Variants in SHISA6 observed in about 807,000 individuals in gnomAD.
SHISA6 encodes shisa family member 6, also known as protein shisa-6.
Under a neutral mutation model 47.9 loss-of-function variants are expected in SHISA6, and 22 were observed. That is an observed-to-expected ratio of 0.46 (90% CI 0.33 to 0.66). The LOEUF (loss-of-function observed/expected upper bound fraction) is 0.66, where lower values mean the gene tolerates loss of function less well. Ranked by LOEUF, SHISA6 falls within the 30% of genes least tolerant of loss-of-function variation. The pLI, the probability that SHISA6 is intolerant of heterozygous loss-of-function variation, is 0.02. For synonymous variants in SHISA6, 388 were observed against 337.8 expected (o/e 1.15, Z -1.63); for missense variants, 680 against 764.6 (o/e 0.89, Z 1.30).
At chr17:11,254,501 CAT>C (rs1202987531) in intron 1 of SHISA6, among the ~76,000 whole-genome samples, 1 of 152,200 alleles carries the variant, frequency 6.6e-6, no homozygotes, top group East Asian at 1.9e-4. Flanking sequence ...ATCTTCGACT[CAT>C]AGGATCTCTT....
At chr17:11,368,384 A>G (rs1389463320) in intron 2 of SHISA6, among the ~76,000 whole-genome samples, 1 of 152,178 alleles carries the variant, frequency 6.6e-6, no homozygotes, top group African/African-American at 2.4e-5. Context: ...GAGTGCCCTA[A>G]ACCATGACAT....
chr17:11,273,489 C>T (rs553245640), intron 2 of SHISA6, among the ~76,000 whole-genome samples: 43 of 152,352 alleles, frequency 2.8e-4, no homozygotes, highest in African/African-American at 8.7e-4. Flanking sequence ...CTGCTCACTC[C>T]GTGATGATTT....
At chr17:11,308,057 G>A (rs1459512890) in intron 2 of SHISA6, among the ~76,000 whole-genome samples, 5 of 152,162 alleles carry the variant, frequency 3.3e-5, no homozygotes, top group African/African-American at 1.2e-4. Flanking sequence ...GTGGGGTAAG[G>A]AAGTGGGCAC....
intron 1 of SHISA6, among the ~76,000 whole-genome samples, chr17:11,251,357 G>C (rs1162137213): frequency 6.6e-6 from 1 of 151,926 alleles, no homozygotes; most frequent in Non-Finnish European, 1.5e-5. Context: ...TATGATATTG[G>C]CTGAGGATAG....
chr17:11,434,064 C>CTTTTTTTTT (rs1367652038), intron 3 of SHISA6, among the ~76,000 whole-genome samples: 1 of 138,054 alleles, frequency 7.2e-6, no homozygotes, highest in African/African-American at 2.7e-5. Context: ...TTTTTTCTCT[C>CTTTTTTTTT]TTTTTTTTTT....
rs1916341619 is a variant in SHISA6, at chr17:11,486,101, G to C, written c.896-65795G>C. On this transcript the variant is annotated intron_variant, in intron 3 of 5. Transcript: ENST00000441885. Reference sequence around the variant, plus strand: ...TCTTCATTTCTACAAATGTGCTTTGGAGGCCTCTGCCGCAGCTCACTGTGA... The same window carrying C: ...TCTTCATTTCTACAAATGTGCTTTGCAGGCCTCTGCCGCAGCTCACTGTGA... 2.0e-5 allele frequency among the ~76,000 whole-genome samples: 3 copies of C among 152,156 alleles called. No homozygotes were observed. The South Asian group carries it at 6.2e-4, about 32-fold the overall frequency.
At chr17:11,527,707 A>G (rs2071698112) in intron 3 of SHISA6, among the ~76,000 whole-genome samples, 1 of 152,196 alleles carries the variant, frequency 6.6e-6, no homozygotes. Context: ...CTTCACTCGT[A>G]TATGTATCAT....
At chr17:11,524,002 G>C (rs974480015) in intron 3 of SHISA6, among the ~76,000 whole-genome samples, 1 of 145,108 alleles carries the variant, frequency 6.9e-6, no homozygotes, top group Non-Finnish European at 1.5e-5. Flanking sequence ...AGTGAAACTC[G>C]GTCTCAAAGA....
At chr17:11,504,241 G>A (rs1430102396) in intron 3 of SHISA6, among the ~76,000 whole-genome samples, 2 of 152,174 alleles carry the variant, frequency 1.3e-5, no homozygotes, top group Non-Finnish European at 2.9e-5. Flanking sequence ...AGTGTCCTGT[G>A]TGAAATCTCA....
At chr17:11,423,949 A>G (rs1385236259) in intron 3 of SHISA6, among the ~76,000 whole-genome samples, 1 of 152,158 alleles carries the variant, frequency 6.6e-6, no homozygotes. Flanking sequence ...TGGATTAAAC[A>G]CTCCTGGAGA....
At chr17:11,261,806 T>C (rs1466526675) in intron 1 of SHISA6, among the ~76,000 whole-genome samples, 1 of 152,240 alleles carries the variant, frequency 6.6e-6, no homozygotes, top group Non-Finnish European at 1.5e-5. Flanking sequence ...TATTTTTCAT[T>C]GTTCTTGGGA....
At chr17:11,365,621 AGACAGTT>A (rs1425670707) in intron 2 of SHISA6, among the ~76,000 whole-genome samples, 3 of 152,204 alleles carry the variant, frequency 2.0e-5, no homozygotes, top group African/African-American at 4.8e-5. Flanking sequence ...AAGTTTTCTT[AGACAGTT>A]GACAGGAATT....
chr17:11,502,562 A>C (rs1036292735), intron 3 of SHISA6, among the ~76,000 whole-genome samples: 1 of 151,468 alleles, frequency 6.6e-6, no homozygotes, highest in African/African-American at 2.4e-5. Flanking sequence ...CCCCTTCTCT[A>C]CTAAAAGTAA....
chr17:11,402,434 C>A (rs1310986099), intron 3 of SHISA6, among the ~76,000 whole-genome samples: 1 of 152,232 alleles, frequency 6.6e-6, no homozygotes, highest in Non-Finnish European at 1.5e-5. Flanking sequence ...GTTCTCCAAA[C>A]TCCTGTTTCC....
At chr17:11,553,916 G>A (rs964260329) in intron 4 of SHISA6, among the ~76,000 whole-genome samples, 1 of 152,126 alleles carries the variant, frequency 6.6e-6, no homozygotes, top group Admixed American at 6.6e-5. Flanking sequence ...TGAGTGAGGC[G>A]GGAATTTCAT....
chr17:11,540,870 C>G (rs146919189), intron 3 of SHISA6, among the ~76,000 whole-genome samples: 1 of 152,296 alleles, frequency 6.6e-6, no homozygotes, highest in African/African-American at 2.4e-5. Flanking sequence ...CCAAGGGCTA[C>G]AAGCAATGAG....
At chr17:11,309,101 A>T (rs1910232011) in intron 2 of SHISA6, among the ~76,000 whole-genome samples, 2 of 152,142 alleles carry the variant, frequency 1.3e-5, no homozygotes, top group South Asian at 2.1e-4. Context: ...AGTAGCTGGG[A>T]CTACAAGTGC....
intron 1 of SHISA6, among the ~76,000 whole-genome samples, chr17:11,257,386 T>G (rs867670235): frequency 1.9e-4 from 29 of 152,142 alleles, no homozygotes; most frequent in African/African-American, 6.5e-4. Context: ...CAGGGGCGGA[T>G]GTAGTGGCTT....
At chr17:11,508,650 A>G (rs767577169) in intron 3 of SHISA6, among the ~76,000 whole-genome samples, 1 of 135,430 alleles carries the variant, frequency 7.4e-6, no homozygotes, top group African/African-American at 2.8e-5. Flanking sequence ...GCTTCATGCA[A>G]TATGGCAGAC....
Sources: gnomAD v4.1 joint callset for allele counts (sites outside exome capture counted in the v4.1 genomes callset) on GRCh38, gnomAD v4.1.1 for gene constraint, MANE v1.5 for transcripts, NCBI Gene and HGNC (gene_info 2026-07-23, HGNC 2026-07-21) for gene names.